Variants in ZFHX3 observed in about 807,000 individuals in gnomAD.
The protein encoded by ZFHX3 is zinc finger homeobox protein 3.
ZFHX3 carries 42 observed loss-of-function variants against 279.1 expected under a neutral mutation model. That is an observed-to-expected ratio of 0.15 (90% confidence interval 0.12 to 0.19). The LOEUF (loss-of-function observed/expected upper bound fraction) is 0.19. ZFHX3 is among the 10% of genes least tolerant of loss of function. The probability of loss-of-function intolerance (pLI) is 1.00; values close to 1 mark genes in which losing one functional copy is unlikely to be tolerated. For synonymous variants in ZFHX3, 2,293 were observed against 1,957.8 expected (o/e 1.17, Z -4.52); for missense variants, 4,981 against 4,754.0 (o/e 1.05, Z -1.40).
In ZFHX3 at chr16:73,478,342, G is replaced by T. The variant is rs187305610; in HGVS notation, c.-1546-22084C>A. On this transcript the variant is annotated intron_variant, in intron 2 of 17. Transcript: ENST00000641206. ...TGCCTGAACAGGGACTTGAACCCTG[G>T]ACCCTCAGATTAAAAGTCTGATGCT... Among the ~76,000 whole-genome samples the T allele has an allele frequency of 4.6e-5, 7 of 151,768 alleles. No individual in the cohort carries two copies. The East Asian group carries it at 1.4e-3, about 29-fold the overall frequency.
chr16:72,790,216 TG>T, intron 9 of ZFHX3: 1 of 152,546 alleles, frequency 6.6e-6, no homozygotes. Context: ...AAGGACAGCA[TG>T]GGGGTGGGGT....
chr16:73,783,119 T>C (rs1317170702), intron 1 of ZFHX3, among the ~76,000 whole-genome samples: 2 of 152,182 alleles, frequency 1.3e-5, no homozygotes, highest in Admixed American at 1.3e-4. Flanking sequence ...ATTCTCCAGC[T>C]GCCCGGAGAG....
intron 1 of ZFHX3, among the ~76,000 whole-genome samples, chr16:73,844,996 G>A (rs1419325517): frequency 6.6e-6 from 1 of 152,020 alleles, no homozygotes; most frequent in Non-Finnish European, 1.5e-5. Context: ...AAAGGCTGCT[G>A]GAACCCAAAA....
intron 1 of ZFHX3, chr16:73,816,136 C>T (rs1960564787): frequency 6.6e-6 from 1 of 152,188 alleles, no homozygotes; most frequent in Non-Finnish European, 1.5e-5. Flanking sequence ...TGTATACATA[C>T]ATATATACAT....
At chr16:72,847,053 C>T (rs1022137407) in intron 4 of ZFHX3, among the ~76,000 whole-genome samples, 10 of 152,270 alleles carry the variant, frequency 6.6e-5, no homozygotes, top group Admixed American at 3.3e-4. Context: ...TTAGTTACTG[C>T]GGTGCAAATG....
chr16:73,068,649 A>T (rs1965785497), intron 8 of ZFHX3, among the ~76,000 whole-genome samples: 1 of 152,230 alleles, frequency 6.6e-6, no homozygotes, highest in African/African-American at 2.4e-5. Context: ...TCTGAAGCTC[A>T]GACAAGTTCC....
At chr16:73,062,225 G>A (rs1567655382), upstream of ZFHX3, 1 of 152,132 alleles carries the variant, frequency 6.6e-6, no homozygotes, top group African/African-American at 2.4e-5. Flanking sequence ...GCATTGCTGT[G>A]TACATTTCTC....
At chr16:73,436,475 C>T (rs1432560196) in intron 3 of ZFHX3, among the ~76,000 whole-genome samples, 1 of 152,124 alleles carries the variant, frequency 6.6e-6, no homozygotes, top group African/African-American at 2.4e-5. Flanking sequence ...CATCAGATGT[C>T]GTGAGACATA....
rs190814673 is a variant in ZFHX3 at position 72,971,805 on chromosome 16, C to G, written c.-49-11611G>C. On this transcript the variant is annotated intron_variant, in intron 1 of 9. Transcript: ENST00000268489. The stretch of plus-strand genomic sequence containing the variant: ...ATGGCATCTCATTTTAACTCACATT[C>G]TTTACTCATAAGACAGAACCCATCT... 2.9e-4 allele frequency among the ~76,000 whole-genome samples: 44 copies of G among 151,194 alleles called. 1 individual carries two copies. In the East Asian group the frequency reaches 8.3e-3, roughly 29 times the overall value.
intron 4 of ZFHX3, among the ~76,000 whole-genome samples, chr16:73,305,990 C>G: frequency 6.6e-6 from 1 of 152,186 alleles, no homozygotes; most frequent in Non-Finnish European, 1.5e-5. Flanking sequence ...ACCTGGGGAT[C>G]TTCAAATGCG....
intron 1 of ZFHX3, among the ~76,000 whole-genome samples, chr16:73,046,680 G>T (rs1286235562): frequency 1.3e-5 from 2 of 152,100 alleles, no homozygotes; most frequent in East Asian, 3.9e-4. Context: ...TTTATTTAGT[G>T]ACTTGTCTCC....
chr16:72,942,519 G>C (rs1009360681), intron 3 of ZFHX3, among the ~76,000 whole-genome samples: 24 of 152,124 alleles, frequency 1.6e-4, no homozygotes, highest in Admixed American at 1.5e-3. Flanking sequence ...TAAATATTTT[G>C]ACAAAGTGGT....
chr16:72,797,164 G>C lies in ZFHX3; in HGVS notation c.5518C>G (p.Gln1840Glu). 1 of 1,613,954 alleles carries C rather than the reference G, an allele frequency of 6.2e-7. No individual in the cohort carries two copies. Among genetic ancestry groups the C allele is most frequent in the Non-Finnish European group, 8.5e-7 (1 of 1,180,024 alleles). The change falls in exon 9 of 10, where the codon CAG (glutamine) becomes GAG (glutamate). Residue 1840 changes from glutamine (Q) to glutamate (E), a missense_variant. This residue lies in a region of ZFHX3 where 1,751 missense variants were observed against 1,770.0 expected (regional missense o/e 0.99). Coordinates refer to ENST00000268489, the MANE Select transcript of ZFHX3 (RefSeq NM_006885.4). ...GLLEDLKAQVQVPQQSHQQIL... is the reference protein window; with the variant it reads ...GLLEDLKAQVEVPQQSHQQIL... The stretch of plus-strand genomic sequence containing the variant: ...TGCTGATGGCTCTGCTGTGGGACCT[G>C]AACCTGAGCCTTCAGATCTTCCAGC...
intron 1 of ZFHX3, among the ~76,000 whole-genome samples, chr16:72,969,907 G>A (rs184619285): frequency 2.3e-4 from 35 of 152,340 alleles, no homozygotes; most frequent in Non-Finnish European, 4.4e-4. Context: ...TGGCCAGGTC[G>A]GAGAACACAC....
intron 5 of ZFHX3, among the ~76,000 whole-genome samples, chr16:73,158,387 A>T (rs562091846): frequency 6.6e-6 from 1 of 152,312 alleles, no homozygotes; most frequent in East Asian, 1.9e-4. Context: ...ATATGACATG[A>T]AAGTCCTTTT....
At chr16:72,809,611 G>A (rs1292591132) in intron 7 of ZFHX3, 1 of 152,178 alleles carries the variant, frequency 6.6e-6, no homozygotes, top group East Asian at 1.9e-4. Flanking sequence ...TTCTCTTGAT[G>A]CATCATCAAT....
chr16:72,862,520 G>T (rs2037912848), intron 4 of ZFHX3, among the ~76,000 whole-genome samples: 1 of 152,204 alleles, frequency 6.6e-6, no homozygotes, highest in African/African-American at 2.4e-5. Context: ...TCATCATTTT[G>T]CCAGCTCCAA....
intron 8 of ZFHX3, among the ~76,000 whole-genome samples, chr16:73,082,879 T>TAAAAC (rs955812128): frequency 2.0e-5 from 3 of 152,130 alleles, no homozygotes; most frequent in East Asian, 1.9e-4. Context: ...AAACAGTATT[T>TAAAAC]AAAACAAAAC....
chr16:72,925,477 T>TAA (rs1354791365), intron 3 of ZFHX3, among the ~76,000 whole-genome samples: 1 of 152,268 alleles, frequency 6.6e-6, no homozygotes, highest in Non-Finnish European at 1.5e-5. Context: ...CAGGTCAGGC[T>TAA]AAATGGTCCC....
Sources: allele counts gnomAD v4.1 joint callset (sites outside exome capture counted in the v4.1 genomes callset), GRCh38; gene constraint gnomAD v4.1.1; regional missense constraint gnomAD v4.1.1; transcripts MANE v1.5; gene names NCBI Gene and HGNC (gene_info 2026-07-23, HGNC 2026-07-21).